The following ANGPT2 variants were observed in gnomAD, a reference collection of about 807,000 sequenced individuals.
ANGPT2 encodes angiopoietin 2.
Under a neutral mutation model 62.9 loss-of-function variants are expected in ANGPT2, and 28 were observed. The observed-to-expected ratio is 0.44, with a 90% CI of 0.33 to 0.61. The LOEUF (loss-of-function observed/expected upper bound fraction) is 0.61, where lower values mean the gene tolerates loss of function less well. ANGPT2 is among the 20% of genes least tolerant of loss of function. The pLI is 0.03. For synonymous variants in ANGPT2, 284 were observed against 207.8 expected (o/e 1.37, Z -3.15); for missense variants, 727 against 594.9 (o/e 1.22, Z -2.31).
In ANGPT2 at chr8:6,521,206, G is replaced by A. The variant is rs769521219; in HGVS notation, c.771C>T (p.Asn257=). ...TTGATGTGGACATCATAGTCAGTAA[G>A]TTATTAACTGTCTCCATGAGATCAT... The part of the protein sequence containing the change: ...QQHDLMETVN[N]LLTMMSTSNS... Residue 257 remains asparagine, a synonymous_variant, in exon 4 of 9, where the codon AAC becomes AAT. Coordinates refer to ENST00000629816, the MANE Select transcript of ANGPT2 (RefSeq NM_001118887.2). 1 of 1,613,698 alleles carries A rather than the reference G, an allele frequency of 6.2e-7. No homozygotes were observed.
rs1586138031 is a variant in ANGPT2, at chr8:6,499,993, C to T, written c.*3108G>A. On this transcript the variant is annotated 3_prime_UTR_variant, in exon 9 of 9. Coordinates refer to ENST00000629816, the MANE Select transcript of ANGPT2 (RefSeq NM_001118887.2). Reference sequence around the variant, plus strand: ...GCTGTTCTCAAGAAATTATTATAAACATAAGGGTGGACTTAAGTTTTTATC... The same window carrying T: ...GCTGTTCTCAAGAAATTATTATAAATATAAGGGTGGACTTAAGTTTTTATC... 1 of 1,399,678 alleles carries T rather than the reference C, an allele frequency of 7.1e-7. No individual in the cohort carries two copies. Among genetic ancestry groups the T allele is most frequent in the East Asian group, 2.3e-5 (1 of 43,828 alleles). The allele number at this position is 1,399,678 out of a possible 1,614,324, so 86.7% of individuals were successfully genotyped here.
chr8:6,520,932 T>C (rs373794162), intron 4 of ANGPT2, among the ~76,000 whole-genome samples: 2 of 152,230 alleles, frequency 1.3e-5, no homozygotes, highest in African/African-American at 4.8e-5. Flanking sequence ...TAATTAATGA[T>C]GGAACTAACT....
At chr8:6,546,274 G>T (rs561492548) in intron 1 of ANGPT2, among the ~76,000 whole-genome samples, 1 of 152,230 alleles carries the variant, frequency 6.6e-6, no homozygotes, top group African/African-American at 2.4e-5. Context: ...ACCCAGCAGT[G>T]TTCAATGACT....
At chr8:6,551,942 G>A (rs192998025) in intron 1 of ANGPT2, among the ~76,000 whole-genome samples, 23 of 152,166 alleles carry the variant, frequency 1.5e-4, no homozygotes, top group East Asian at 9.6e-4. Context: ...CAAAGACTAC[G>A]CAGTCTAATA....
chr8:6,560,600 T>G (rs1162819029), intron 1 of ANGPT2, among the ~76,000 whole-genome samples: 1 of 152,186 alleles, frequency 6.6e-6, no homozygotes, highest in East Asian at 1.9e-4. Context: ...CGTGAAAAGA[T>G]AAACATTAAG....
chr8:6,499,939 A>G lies in ANGPT2; in HGVS notation c.*3162T>C, dbSNP rs1172413962. ...CTTCCCTGCAGCTCCCGTAAGTCAG[A>G]TGTTGTTTTACGATGGTAAATGCAG... On this transcript the variant is annotated 3_prime_UTR_variant, in exon 9 of 9. Coordinates refer to ENST00000629816, the MANE Select transcript of ANGPT2 (RefSeq NM_001118887.2). The G allele has an allele frequency of 2.5e-6, 4 of 1,610,802 alleles. No individual in the cohort carries two copies. Among genetic ancestry groups the G allele is most frequent in the South Asian group, 2.2e-5 (2 of 91,014 alleles).
intron 1 of ANGPT2, among the ~76,000 whole-genome samples, chr8:6,559,230 AACACACACACAC>A (rs59299448): frequency 2.7e-5 from 4 of 146,726 alleles, no homozygotes; most frequent in African/African-American, 9.9e-5. Flanking sequence ...CACACACGAC[AACACACACACAC>A]ACACACACAC....
intron 2 of ANGPT2, among the ~76,000 whole-genome samples, chr8:6,528,088 G>C (rs766722764): frequency 6.6e-6 from 1 of 151,962 alleles, no homozygotes; most frequent in Non-Finnish European, 1.5e-5. Flanking sequence ...GTACAGATGG[G>C]GTTTCACCAT....
intron 1 of ANGPT2, among the ~76,000 whole-genome samples, chr8:6,535,037 G>C (rs1224628942): frequency 1.3e-5 from 2 of 152,132 alleles, no homozygotes; most frequent in Non-Finnish European, 2.9e-5. Context: ...GGGAGGCTTG[G>C]AACTATAGAG....
chr8:6,540,873 G>A (rs912530897), intron 1 of ANGPT2, among the ~76,000 whole-genome samples: 2 of 152,244 alleles, frequency 1.3e-5, no homozygotes, highest in Admixed American at 6.5e-5. Flanking sequence ...CCACCGCCGC[G>A]CTGGCTGGTA....
Position 6,532,372 on chromosome 8 carries a change from G to A in ANGPT2, c.404C>T (p.Thr135Ile). 1 of 1,614,066 alleles carries A rather than the reference G, an allele frequency of 6.2e-7. No individual in the cohort carries two copies. Residue 135 changes from threonine to isoleucine, a missense_variant, in exon 2 of 9, where the codon ACA becomes ATA. By Grantham distance (89) the Thr-to-Ile change is moderately conservative. Transcript: ENST00000629816. ...IEIGTNLLNQ[T>I]AEQTRKLTDV... ...AGTTAACTTCCGCGTTTGCTCCGCT[G>A]TTTGGTTCAACAGGTTTGTCCCTAT...
At chr8:6,558,223 G>A (rs1824962238) in intron 1 of ANGPT2, among the ~76,000 whole-genome samples, 1 of 152,002 alleles carries the variant, frequency 6.6e-6, no homozygotes, top group Admixed American at 6.6e-5. Context: ...TTAAATAAAG[G>A]GCTGGTAAAA....
intron 1 of ANGPT2, among the ~76,000 whole-genome samples, chr8:6,559,322 A>G (rs1825156578): frequency 1.3e-5 from 2 of 151,638 alleles, no homozygotes; most frequent in South Asian, 4.2e-4. Flanking sequence ...GCCCCTCACC[A>G]TCCATTTCTC....
intron 3 of ANGPT2, among the ~76,000 whole-genome samples, chr8:6,522,760 C>T (rs969937297): frequency 9.5e-5 from 14 of 148,020 alleles, no homozygotes; most frequent in African/African-American, 2.6e-4. Context: ...GGCAACAGAG[C>T]GAGACATCGT....
chr8:6,529,427 G>T (rs926990874), intron 2 of ANGPT2, among the ~76,000 whole-genome samples: 1 of 151,560 alleles, frequency 6.6e-6, no homozygotes, highest in Non-Finnish European at 1.5e-5. Context: ...GTTTCTTTGC[G>T]GCCTTCCTTA....
chr8:6,529,063 G>C (rs2922886), intron 2 of ANGPT2, among the ~76,000 whole-genome samples: 57,895 of 151,838 alleles, frequency 0.38, 11,052 homozygotes, highest in Middle Eastern at 0.46. Context: ...GTTATAACAT[G>C]AGTAAAATTC....
chr8:6,562,146 G>A (rs1443647145), intron 1 of ANGPT2, among the ~76,000 whole-genome samples: 1 of 152,124 alleles, frequency 6.6e-6, no homozygotes, highest in East Asian at 1.9e-4. Flanking sequence ...ACCTATTTTA[G>A]TAAATAAATT....
intron 1 of ANGPT2, among the ~76,000 whole-genome samples, chr8:6,537,074 C>T (rs1232761859): frequency 6.6e-6 from 1 of 152,054 alleles, no homozygotes; most frequent in Non-Finnish European, 1.5e-5. Context: ...CTGTCATCTG[C>T]ACCGAACTGC....
chr8:6,513,335 C>CTT (rs1189719867), intron 7 of ANGPT2, among the ~76,000 whole-genome samples: 8 of 143,220 alleles, frequency 5.6e-5, no homozygotes, highest in East Asian at 4.1e-4. Flanking sequence ...TTTTCTTTTT[C>CTT]TTTTTTTTTT....
Sources: allele counts gnomAD v4.1 joint callset (sites outside exome capture counted in the v4.1 genomes callset), GRCh38; gene constraint gnomAD v4.1.1; transcripts MANE v1.5; gene names NCBI Gene and HGNC (gene_info 2026-07-23, HGNC 2026-07-21).